Variants in CIMIP4 observed in about 807,000 individuals in gnomAD.
CIMIP4 encodes the protein protein EAN57.
At chr22:36,994,910 G>A in the CIMIP4 span, among the ~76,000 whole-genome samples, 5 of 152,180 alleles carry the variant, frequency 3.3e-5, no homozygotes, top group South Asian at 2.1e-4. Context: ...GATTACAGGC[G>A]TGAGCCACTG....
chr22:36,994,697 C>G, the CIMIP4 span, among the ~76,000 whole-genome samples: 25 of 145,358 alleles, frequency 1.7e-4, no homozygotes, highest in African/African-American at 6.2e-4. Flanking sequence ...GTGGCGCAAT[C>G]TCGGCTCACT....
chr22:36,998,814 C>T, the CIMIP4 span, among the ~76,000 whole-genome samples: 2 of 152,206 alleles, frequency 1.3e-5, no homozygotes, highest in African/African-American at 4.8e-5. Context: ...TCCCAGGTGG[C>T]GCCACCTCCA....
chr22:36,997,611 T>C, the CIMIP4 span, among the ~76,000 whole-genome samples: 19 of 152,324 alleles, frequency 1.2e-4, no homozygotes, highest in Non-Finnish European at 2.5e-4. Context: ...ATCTGGAGTT[T>C]TGCAGCTGCC....
the CIMIP4 span, chr22:37,007,684 C>T: frequency 1.3e-5 from 2 of 152,262 alleles, no homozygotes; most frequent in African/African-American, 4.8e-5. Flanking sequence ...AGATGAAACC[C>T]CATGTCCTGG....
chr22:36,993,826 G>C, the CIMIP4 span, among the ~76,000 whole-genome samples: 1 of 152,144 alleles, frequency 6.6e-6, no homozygotes, highest in African/African-American at 2.4e-5. Flanking sequence ...TCAGTAACGA[G>C]AATCAATATG....
the CIMIP4 span, among the ~76,000 whole-genome samples, chr22:37,004,333 C>G: frequency 6.6e-6 from 1 of 152,156 alleles, no homozygotes; most frequent in Non-Finnish European, 1.5e-5. Context: ...CCTTGGAACC[C>G]TGGGCTCATT....
chr22:37,000,080 C>A, the CIMIP4 span: 3 of 1,446,042 alleles, frequency 2.1e-6, no homozygotes, highest in Non-Finnish European at 1.8e-6. Flanking sequence ...CCTGCCCTCC[C>A]CACCCCGATC....
chr22:36,991,357 G>T, the CIMIP4 span: 1 of 1,560,984 alleles, frequency 6.4e-7, no homozygotes, highest in Middle Eastern at 1.7e-4. Context: ...GGGATGACTC[G>T]TACCTCTTCC....
At chr22:37,005,466 T>C in the CIMIP4 span, among the ~76,000 whole-genome samples, 1 of 152,178 alleles carries the variant, frequency 6.6e-6, no homozygotes, top group Non-Finnish European at 1.5e-5. Flanking sequence ...ACTTAAAAAT[T>C]TGGGACTGAA....
At chr22:37,001,771 G>C in the CIMIP4 span, 5 of 1,423,550 alleles carry the variant, frequency 3.5e-6, no homozygotes, top group Non-Finnish European at 3.7e-6. Context: ...CTGTACTCAA[G>C]AGTGAGTTTA....
At chr22:36,993,191 T>C in the CIMIP4 span, among the ~76,000 whole-genome samples, 2 of 151,664 alleles carry the variant, frequency 1.3e-5, no homozygotes, top group Non-Finnish European at 2.9e-5. Context: ...TTTGTATTTT[T>C]AGTAGAGACG....
At chr22:37,003,058 C>T in the CIMIP4 span, among the ~76,000 whole-genome samples, 3 of 152,232 alleles carry the variant, frequency 2.0e-5, no homozygotes, top group Non-Finnish European at 4.4e-5. Flanking sequence ...TGGTGGTCTT[C>T]CCTCCAAAAC....
At chr22:36,994,422 G>A in the CIMIP4 span, among the ~76,000 whole-genome samples, 2 of 151,640 alleles carry the variant, frequency 1.3e-5, no homozygotes, top group South Asian at 4.2e-4. Flanking sequence ...TCCGCCTCCC[G>A]GGTTCAAGCG....
the CIMIP4 span, among the ~76,000 whole-genome samples, chr22:37,001,050 A>G: frequency 2.0e-5 from 3 of 152,124 alleles, no homozygotes; most frequent in Non-Finnish European, 4.4e-5. Context: ...TGCAGTTGCT[A>G]TGAGGGTTGA....
chr22:37,006,201 G>A, the CIMIP4 span, among the ~76,000 whole-genome samples: 16 of 152,222 alleles, frequency 1.1e-4, no homozygotes, highest in African/African-American at 3.6e-4. Flanking sequence ...GCAACTTCGG[G>A]TAAAAGGGAT....
chr22:36,991,635 C>T, the CIMIP4 span: 6 of 1,495,426 alleles, frequency 4.0e-6, no homozygotes, highest in Admixed American at 1.7e-5. Context: ...AATTCAGTGG[C>T]AGTCGGGTAC....
At chr22:37,004,507 TG>T in the CIMIP4 span, among the ~76,000 whole-genome samples, 1 of 152,162 alleles carries the variant, frequency 6.6e-6, no homozygotes, top group Non-Finnish European at 1.5e-5. Context: ...ATTTGCTGAA[TG>T]GTCGTTCGTG....
chr22:36,992,942 T>G, the CIMIP4 span, among the ~76,000 whole-genome samples: 1 of 150,132 alleles, frequency 6.7e-6, no homozygotes, highest in Non-Finnish European at 1.5e-5. Context: ...CATATATAAA[T>G]TCTATAAAAT....
chr22:36,991,634 G>T, the CIMIP4 span: 1 of 1,519,896 alleles, frequency 6.6e-7, no homozygotes, highest in African/African-American at 1.4e-5. Flanking sequence ...CAATTCAGTG[G>T]CAGTCGGGTA....
Sources: allele counts gnomAD v4.1 joint callset (sites outside exome capture counted in the v4.1 genomes callset), GRCh38; gene constraint gnomAD v4.1.1; transcripts MANE v1.5; gene names NCBI Gene and HGNC (gene_info 2026-07-23, HGNC 2026-07-21).